Variants in GAPVD1 observed in about 807,000 individuals in gnomAD.
The protein encoded by GAPVD1 is GTPase-activating protein and VPS9 domain-containing protein 1.
Under a neutral mutation model 155.5 loss-of-function variants are expected in GAPVD1, and 35 were observed. That is an observed-to-expected ratio of 0.23 (90% CI 0.17 to 0.30). GAPVD1 has a LOEUF of 0.30. Among genes scored for constraint, GAPVD1 ranks in the 10% least tolerant of loss-of-function variants. GAPVD1 has a pLI of 1.00. For missense variants in GAPVD1, 1,429 were observed against 1,775.7 expected (o/e 0.80, Z 3.51); for synonymous variants, 636 against 619.7 (o/e 1.03, Z -0.39).
At chr9:125,301,257 A>G (rs151130713) in intron 4 of GAPVD1, among the ~76,000 whole-genome samples, 2 of 152,170 alleles carry the variant, frequency 1.3e-5, no homozygotes, top group African/African-American at 4.8e-5. Context: ...TTTTGTAGAG[A>G]TGGGGTTTCA....
At chr9:125,360,455 G>A (rs542419806) in intron 26 of GAPVD1, 73 bp from the exon 27 acceptor site, 16 of 1,165,080 alleles carry the variant, frequency 1.4e-5, no homozygotes, top group African/African-American at 7.5e-5. Flanking sequence ...CTCCTGACAC[G>A]GAGGTTGCAG....
chr9:125,313,290 T>C (rs1358057066), intron 9 of GAPVD1, among the ~76,000 whole-genome samples: 1 of 150,946 alleles, frequency 6.6e-6, no homozygotes, highest in Non-Finnish European at 1.5e-5. Flanking sequence ...TGAATTTTTT[T>C]TTTTCTTTTT....
intron 2 of GAPVD1, among the ~76,000 whole-genome samples, chr9:125,275,863 A>G (rs187900230): frequency 1.7e-4 from 26 of 152,352 alleles, no homozygotes; most frequent in Admixed American, 1.7e-3. Context: ...GTCATGGAAC[A>G]TTAGTATTTC....
chr9:125,354,629 T>C, intron 23 of GAPVD1, 25 bp from the exon 24 acceptor site: 1 of 1,514,052 alleles, frequency 6.6e-7, no homozygotes, highest in Non-Finnish European at 9.2e-7. Context: ...ATATCTGATG[T>C]CATGCAAAGT....
intron 9 of GAPVD1, among the ~76,000 whole-genome samples, chr9:125,315,644 A>G (rs1354479756): frequency 6.6e-6 from 1 of 152,130 alleles, no homozygotes; most frequent in Non-Finnish European, 1.5e-5. Flanking sequence ...TGTCAAAAGT[A>G]TTGAAAAGCA....
intron 2 of GAPVD1, among the ~76,000 whole-genome samples, chr9:125,293,852 TTATATATATATA>T (rs1161661604): frequency 5.1e-3 from 179 of 35,130 alleles, no homozygotes; most frequent in Non-Finnish European, 6.6e-3. Context: ...AAAATATATT[TTATATATATATA>T]TATATATATA....
At chr9:125,319,764 G>T (rs1844017606) in intron 9 of GAPVD1, among the ~76,000 whole-genome samples, 1 of 151,932 alleles carries the variant, frequency 6.6e-6, no homozygotes, top group Non-Finnish European at 1.5e-5. Flanking sequence ...ACCACACCTG[G>T]TTGATTTTGT....
At position 125,303,733 on chromosome 9, in the gene GAPVD1, A is replaced by C. The variant is rs1588797137; in HGVS notation, c.1029+907A>C. The stretch of plus-strand genomic sequence containing the variant: ...AGAGGTTGCGATGAGCTGAGATTGC[A>C]CCGTTGCACTCCAGCCTGGGCAACA... On this transcript the variant is annotated intron_variant, in intron 5 of 27. Coordinates refer to ENST00000297933, the MANE Select transcript of GAPVD1 (RefSeq NM_001282680.3). Among the ~76,000 whole-genome samples the C allele has an allele frequency of 2.0e-5, 3 of 147,546 alleles. No homozygotes were observed. The East Asian group carries it at 6.0e-4, about 29-fold the overall frequency.
intron 10 of GAPVD1, among the ~76,000 whole-genome samples, chr9:125,322,286 G>C (rs1023134464): frequency 6.6e-6 from 1 of 151,906 alleles, no homozygotes; most frequent in South Asian, 2.1e-4. Context: ...GGATGGTCTC[G>C]ATCTCCTGAC....
At chr9:125,350,922 T>C (rs746405140) in intron 23 of GAPVD1, 50 bp downstream of exon 23, 1 of 1,405,382 alleles carries the variant, frequency 7.1e-7, no homozygotes. Flanking sequence ...TAGCTGCAAG[T>C]GTTTTCTTTT....
At position 125,312,503 on chromosome 9, in the gene GAPVD1, A is replaced by C; in HGVS notation, c.1493A>C (p.His498Pro). The change falls in exon 9 of 28, where the codon CAT becomes CCT. Residue 498 changes from histidine (H) to proline (P), a missense_variant. Around this residue, in one of 4 missense-constraint regions of GAPVD1, gnomAD observed 628 missense variants for 733.4 expected, o/e 0.86. Coordinates refer to ENST00000297933, the MANE Select transcript of GAPVD1 (RefSeq NM_001282680.3). ...TNMLMDLHMDHEGSSQETIQE... is the reference protein window; with the variant it reads ...TNMLMDLHMDPEGSSQETIQE... The stretch of plus-strand genomic sequence containing the variant: ...ATGCTAATGGACCTACATATGGACC[A>C]TGAAGGATCATCTCAAGAAACCATT... 6.2e-7 allele frequency: 1 copy of C among 1,609,292 alleles called. No individual in the cohort carries two copies. Among genetic ancestry groups the C allele is most frequent in the Non-Finnish European group, 8.5e-7 (1 of 1,177,546 alleles).
At chr9:125,287,936 C>T (rs1170301395) in intron 2 of GAPVD1, 2 of 151,764 alleles carry the variant, frequency 1.3e-5, no homozygotes, top group Non-Finnish European at 2.9e-5. Context: ...AGACGGGTTT[C>T]ACCATGTTGA....
At chr9:125,263,918 G>T in intron 1 of GAPVD1, 1 of 1,446,638 alleles carries the variant, frequency 6.9e-7, no homozygotes, top group Admixed American at 1.7e-5. Flanking sequence ...ATGTCTCCAG[G>T]CAAACTGTTC....
chr9:125,272,380 C>T (rs539105185), intron 2 of GAPVD1, among the ~76,000 whole-genome samples: 5 of 152,282 alleles, frequency 3.3e-5, no homozygotes, highest in African/African-American at 1.2e-4. Flanking sequence ...CCTTTGGAAC[C>T]CGAGGAATCT....
At chr9:125,298,042 G>A (rs906796023) in intron 3 of GAPVD1, among the ~76,000 whole-genome samples, 1 of 152,012 alleles carries the variant, frequency 6.6e-6, no homozygotes, top group Non-Finnish European at 1.5e-5. Flanking sequence ...CACCGCGCCC[G>A]GCTGTGATCT....
chr9:125,335,393 T>C (rs1846751027), intron 15 of GAPVD1: 1 of 431,906 alleles, frequency 2.3e-6, no homozygotes, highest in Admixed American at 4.1e-5. Flanking sequence ...TTTTTAAAAA[T>C]GGGGCTGGGC....
intron 27 of GAPVD1, 37 bp from the exon 28 acceptor site, chr9:125,362,569 T>C (rs780314914): frequency 6.5e-7 from 1 of 1,541,470 alleles, no homozygotes; most frequent in Admixed American, 1.9e-5. Context: ...CTATGACATC[T>C]GAGTAATTGA....
rs34007926 is a variant in GAPVD1 at position 125,328,833 on chromosome 9, AC to A, written c.2033-1235del. 5.7e-3 allele frequency among the ~76,000 whole-genome samples: 831 copies of A among 144,608 alleles called. 1 individual carries two copies. The highest frequency in any genetic ancestry group is 0.01 in the Non-Finnish European group (682 of 64,966). The allele number at this position is 144,608 out of a possible 152,430, so 94.9% of individuals were successfully genotyped here. Reference sequence around the variant, plus strand: ...AGGCGGCTGGCCGGGCAGGGGGCTGACCCCCCCCCCACCTCCCTCCCGGACG... The same window carrying A: ...AGGCGGCTGGCCGGGCAGGGGGCTGACCCCCCCCCACCTCCCTCCCGGACG... On this transcript the variant is annotated intron_variant, in intron 12 of 27. Coordinates refer to ENST00000297933, the MANE Select transcript of GAPVD1 (RefSeq NM_001282680.3).
intron 19 of GAPVD1, among the ~76,000 whole-genome samples, chr9:125,345,278 T>G (rs1463980848): frequency 2.0e-5 from 3 of 152,078 alleles, no homozygotes; most frequent in African/African-American, 4.8e-5. Flanking sequence ...TCTCCTGGGT[T>G]CAAGTGATTC....
Sources: gnomAD v4.1 joint callset for allele counts (sites outside exome capture counted in the v4.1 genomes callset) on GRCh38, gnomAD v4.1.1 for gene constraint, gnomAD v4.1.1 regional missense constraint, MANE v1.5 for transcripts, NCBI Gene and HGNC (gene_info 2026-07-23, HGNC 2026-07-21) for gene names.